The following NLN variants were observed in gnomAD, a reference collection of about 807,000 sequenced individuals.
The protein encoded by NLN is neurolysin.
NLN carries 64 observed loss-of-function variants against 79.9 expected under a neutral mutation model. That is an observed-to-expected ratio of 0.80 (90% CI 0.65 to 0.99). The LOEUF is 0.99. Ranked by LOEUF, NLN falls within the 50% of genes least tolerant of loss-of-function variation. The pLI is 0.00. For missense variants in NLN, 835 were observed against 858.7 expected (o/e 0.97, Z 0.34); for synonymous variants, 267 against 296.6 (o/e 0.90, Z 1.02).
chr5:65,780,800 A>G (rs1391667532), intron 5 of NLN, among the ~76,000 whole-genome samples: 1 of 152,146 alleles, frequency 6.6e-6, no homozygotes, highest in African/African-American at 2.4e-5. Flanking sequence ...CAGCCTCCCA[A>G]GTAGCTGGGA....
intron 8 of NLN, 29 bp from the exon 9 acceptor site, chr5:65,792,425 T>C: frequency 3.3e-6 from 5 of 1,526,854 alleles, no homozygotes; most frequent in Non-Finnish European, 4.5e-6. Context: ...AATTTTCCTA[T>C]GTTGCCAACG....
chr5:65,726,858 A>G (rs1269955827), intron 1 of NLN, among the ~76,000 whole-genome samples: 1 of 152,216 alleles, frequency 6.6e-6, no homozygotes, highest in Admixed American at 6.5e-5. Flanking sequence ...GACAACATGG[A>G]GGACCCCCTG....
intron 1 of NLN, among the ~76,000 whole-genome samples, chr5:65,752,868 G>C (rs1247137324): frequency 6.6e-6 from 1 of 152,184 alleles, no homozygotes; most frequent in Non-Finnish European, 1.5e-5. Flanking sequence ...TAAAATCTCA[G>C]AAGGTGAGAA....
At chr5:65,779,472 A>AT (rs1399831893) in intron 4 of NLN, among the ~76,000 whole-genome samples, 8 of 152,162 alleles carry the variant, frequency 5.3e-5, no homozygotes, top group Admixed American at 2.0e-4. Context: ...AAAGCTCTAT[A>AT]AAACTAAAAC....
At chr5:65,755,149 A>T (rs1561187717) in intron 1 of NLN, among the ~76,000 whole-genome samples, 1 of 151,952 alleles carries the variant, frequency 6.6e-6, no homozygotes, top group Non-Finnish European at 1.5e-5. Context: ...ATTTCTTCCT[A>T]TCTCTGTAGG....
At position 65,788,152 on chromosome 5, in the gene NLN, A is replaced by T; in HGVS notation, c.993A>T (p.Glu331Asp). ...DLSQKLKPLGEAEREFILNLK... is the reference protein window; with the variant it reads ...DLSQKLKPLGDAEREFILNLK... ...GCCAGAAGTTAAAACCCTTGGGTGA[A>T]GCAGAACGAGAGTTTATTTTGAATT... The change falls in exon 8 of 13, where the codon GAA becomes GAT. Residue 331 changes from glutamate to aspartate, a missense_variant. Glu to Asp is a conservative substitution (Grantham distance 45). Coordinates refer to ENST00000380985, the MANE Select transcript of NLN (RefSeq NM_020726.5). 1 of 1,614,086 alleles carries T rather than the reference A, an allele frequency of 6.2e-7. No individual in the cohort carries two copies. Among genetic ancestry groups the T allele is most frequent in the Non-Finnish European group, 8.5e-7 (1 of 1,179,966 alleles).
chr5:65,792,502 C>T lies in NLN; in HGVS notation c.1374C>T (p.Cys458=), dbSNP rs1174076386. ...HAACFGLQPG[C]LLPDGSRMMA... ...CCTGCTTCGGTCTCCAGCCTGGCTG[C>T]CTTCTGCCTGATGGAAGCCGGATGA... is the stretch of plus-strand genomic sequence containing the variant. Residue 458 remains cysteine (C), a synonymous_variant, in exon 9 of 13, where the codon TGC becomes TGT. Transcript: ENST00000380985. The T allele has an allele frequency of 1.2e-6, 2 of 1,614,168 alleles. No homozygotes were observed. The highest frequency in any genetic ancestry group is 1.1e-5 in the South Asian group (1 of 91,088).
rs1243326202 is a variant in NLN, at chr5:65,810,114, A to G, written c.1792A>G (p.Ser598Gly). ...TACCAACACATCGCTGGATGCTGCA[A>G]GTGAATATGCCAAATACTGCTCAGA... ...LHTNTSLDAASEYAKYCSEIL... is the reference protein window; with the variant it reads ...LHTNTSLDAAGEYAKYCSEIL... Residue 598 changes from serine (S) to glycine (G), a missense_variant, in exon 11 of 13, where the codon AGT becomes GGT. By Grantham distance (56) the Ser-to-Gly change is moderately conservative (BLOSUM62 0). Coordinates refer to ENST00000380985, the MANE Select transcript of NLN (RefSeq NM_020726.5). 1 of 1,614,060 alleles carries G rather than the reference A, an allele frequency of 6.2e-7. No individual in the cohort carries two copies. Among genetic ancestry groups the G allele is most frequent in the African/African-American group, 1.3e-5 (1 of 75,068 alleles).
chr5:65,759,517 A>G (rs952684607), intron 2 of NLN, among the ~76,000 whole-genome samples: 1 of 152,062 alleles, frequency 6.6e-6, no homozygotes, highest in Non-Finnish European at 1.5e-5. Context: ...AGGAGTCTGG[A>G]AAGTCCAGAA....
chr5:65,810,277 C>A, intron 11 of NLN, 112 bp downstream of exon 11: 1 of 929,466 alleles, frequency 1.1e-6, no homozygotes, highest in Non-Finnish European at 1.7e-6. Flanking sequence ...TTTCTGATTT[C>A]TGTAATCAGG....
At position 65,794,584 on chromosome 5, in the gene NLN, GA is replaced by G. The variant is rs140433400; in HGVS notation, c.1527+1934del. Among the ~76,000 whole-genome samples the G allele has an allele frequency of 1.1e-3, 171 of 151,928 alleles. 2 individuals carry two copies. In the East Asian group the frequency reaches 0.029, roughly 26 times the overall value. ...CGCGCCACTGCTCTCCAGCCTGGGT[GA>G]AAAAGTGAGACCCGGTCTCAAAAGA... On this transcript the variant is annotated intron_variant, in intron 9 of 12. Coordinates refer to ENST00000380985, the MANE Select transcript of NLN (RefSeq NM_020726.5).
intron 1 of NLN, among the ~76,000 whole-genome samples, chr5:65,736,829 G>T (rs758537558): frequency 4.6e-5 from 7 of 152,072 alleles, no homozygotes; most frequent in African/African-American, 1.7e-4. Context: ...GACTAGTCAT[G>T]GTGGCTCACG....
At chr5:65,786,046 G>T in intron 7 of NLN, 136 bp downstream of exon 7, 1 of 700,748 alleles carries the variant, frequency 1.4e-6, no homozygotes, top group Non-Finnish European at 2.3e-6. Context: ...CACCTATTAA[G>T]TGTTAGATAG....
intron 12 of NLN, among the ~76,000 whole-genome samples, chr5:65,816,108 C>T (rs1463587130): frequency 6.6e-6 from 1 of 151,972 alleles, no homozygotes; most frequent in East Asian, 1.9e-4. Flanking sequence ...AGAACAAGAT[C>T]TGAACCCAGA....
At chr5:65,782,198 T>A (rs252647) in intron 6 of NLN, among the ~76,000 whole-genome samples, 78,124 of 151,978 alleles carry the variant, frequency 0.51, 20,600 homozygotes, top group Non-Finnish European at 0.57. Flanking sequence ...TTTATCAATT[T>A]TACTCCATGG....
At position 65,788,361 on chromosome 5, in the gene NLN, T is replaced by G. The variant is rs2150761760; in HGVS notation, c.1202T>G (p.Leu401Trp). 1.2e-6 allele frequency: 2 copies of G among 1,614,198 alleles called. No individual in the cohort carries two copies. Among genetic ancestry groups the G allele is most frequent in the Non-Finnish European group, 1.7e-6 (2 of 1,180,022 alleles). The change falls in exon 8 of 13, where the codon TTG (leucine) becomes TGG (tryptophan). Residue 401 changes from leucine to tryptophan, a missense_variant. Coordinates refer to ENST00000380985, the MANE Select transcript of NLN (RefSeq NM_020726.5). ...TTGCTGAACACCTACCAGGAGTTGT[T>G]GGGACTTTCATTTGAACAAATGACA... ...EGLLNTYQEL[L>W]GLSFEQMTDA...
intron 11 of NLN, among the ~76,000 whole-genome samples, chr5:65,811,814 T>C (rs1005236089): frequency 6.6e-6 from 1 of 152,188 alleles, no homozygotes; most frequent in African/African-American, 2.4e-5. Context: ...AGAGTGAAAC[T>C]CTGTCTCAAA....
In NLN at chr5:65,733,406, T is replaced by A. The variant is rs1021760448; in HGVS notation, c.41+10992T>A. The A allele has an allele frequency of 2.0e-6, 3 of 1,497,592 alleles. No homozygotes were observed. In the African/African-American group the frequency reaches 4.5e-5, roughly 22 times the overall value. 92.8% of individuals were successfully genotyped at this position (1,497,592 alleles called of 1,614,324 possible). On this transcript the variant is annotated intron_variant, in intron 1 of 12. Transcript: ENST00000380985. ...TTCATGGAAACGAGACCTCCATGAATGCTCTGAAAGACCTGCTGTGTCACA... is the reference window on the plus strand; with the variant it reads ...TTCATGGAAACGAGACCTCCATGAAAGCTCTGAAAGACCTGCTGTGTCACA...
chr5:65,820,158 A>G (rs368956248), intron 12 of NLN, among the ~76,000 whole-genome samples: 113 of 152,310 alleles, frequency 7.4e-4, no homozygotes, highest in African/African-American at 2.5e-3. Flanking sequence ...AAATGAAAAT[A>G]CTTTTATCAG....
Sources: gnomAD v4.1 joint callset for allele counts (sites outside exome capture counted in the v4.1 genomes callset) on GRCh38, gnomAD v4.1.1 for gene constraint, MANE v1.5 for transcripts, NCBI Gene and HGNC (gene_info 2026-07-23, HGNC 2026-07-21) for gene names.